ITPR2: variants seen among roughly 807,000 people sequenced by gnomAD.
The protein encoded by ITPR2 is inositol 1,4,5-trisphosphate-gated calcium channel ITPR2.
Under a neutral mutation model 317.1 loss-of-function variants are expected in ITPR2, and 207 were observed. The ratio of observed to expected loss-of-function variants is 0.65; its 90% CI spans 0.58 to 0.73. The LOEUF is 0.73. Among genes scored for constraint, ITPR2 ranks in the 30% least tolerant of loss-of-function variants. The probability of loss-of-function intolerance (pLI) is 0.00; values close to 1 mark genes in which losing one functional copy is unlikely to be tolerated. For synonymous variants in ITPR2, 1,156 were observed against 1,149.1 expected (o/e 1.01, Z -0.12); for missense variants, 2,613 against 3,284.0 (o/e 0.80, Z 4.99).
At chr12:26,691,418 A>C (rs1948238413) in intron 10 of ITPR2, among the ~76,000 whole-genome samples, 3 of 152,160 alleles carry the variant, frequency 2.0e-5, no homozygotes, top group Admixed American at 1.3e-4. Flanking sequence ...GGTACGACAG[A>C]ACTTAAACAG....
At chr12:26,502,659 T>TG (rs1304640982) in intron 37 of ITPR2, among the ~76,000 whole-genome samples, 2 of 151,896 alleles carry the variant, frequency 1.3e-5, no homozygotes, top group African/African-American at 4.8e-5. Flanking sequence ...TGTTGCTGAG[T>TG]GGGGGGTAAG....
intron 2 of ITPR2, among the ~76,000 whole-genome samples, chr12:26,728,752 C>T (rs1948977517): frequency 6.6e-6 from 1 of 152,102 alleles, no homozygotes; most frequent in Non-Finnish European, 1.5e-5. Flanking sequence ...CTGAGATGAG[C>T]AAAAAGAAAA....
chr12:26,356,883 C>T (rs1440238078), intron 55 of ITPR2, among the ~76,000 whole-genome samples: 1 of 152,116 alleles, frequency 6.6e-6, no homozygotes, highest in Non-Finnish European at 1.5e-5. Flanking sequence ...AAACATTTCA[C>T]TGATTATTTG....
chr12:26,653,091 C>T (rs1247490465), intron 21 of ITPR2, among the ~76,000 whole-genome samples: 1 of 152,050 alleles, frequency 6.6e-6, no homozygotes, highest in Non-Finnish European at 1.5e-5. Flanking sequence ...AAGACAAGTA[C>T]CTTATAAATG....
intron 49 of ITPR2, among the ~76,000 whole-genome samples, chr12:26,422,131 CTAAT>C (rs1416533394): frequency 3.3e-5 from 5 of 149,674 alleles, no homozygotes; most frequent in African/African-American, 7.3e-5. Flanking sequence ...AAATTATTTA[CTAAT>C]TATTTACTAA....
chr12:26,529,352 C>T (rs1171998760), intron 37 of ITPR2, among the ~76,000 whole-genome samples: 1 of 152,208 alleles, frequency 6.6e-6, no homozygotes, highest in Non-Finnish European at 1.5e-5. Flanking sequence ...TTTCTAGCCA[C>T]ACTGGCTTCC....
chr12:26,353,784 G>A (rs1269168083), intron 55 of ITPR2, among the ~76,000 whole-genome samples: 1 of 151,972 alleles, frequency 6.6e-6, no homozygotes, highest in Admixed American at 6.6e-5. Flanking sequence ...TTTCACTGTA[G>A]ATGACTTATT....
At chr12:26,628,583 AC>A (rs1290857282) in intron 22 of ITPR2, among the ~76,000 whole-genome samples, 2 of 152,224 alleles carry the variant, frequency 1.3e-5, no homozygotes, top group East Asian at 3.8e-4. Flanking sequence ...CTGTGACTAT[AC>A]CATGATCAGT....
intron 37 of ITPR2, among the ~76,000 whole-genome samples, chr12:26,532,709 A>G (rs1031334722): frequency 5.3e-5 from 8 of 151,938 alleles, no homozygotes; most frequent in African/African-American, 1.9e-4. Context: ...TTTTTTGGAG[A>G]CGGAGTTTTC....
At chr12:26,722,579 C>T in intron 4 of ITPR2, 24 bp from the exon 5 acceptor site, 1 of 1,567,206 alleles carries the variant, frequency 6.4e-7, no homozygotes. Context: ...ACATAGATTA[C>T]CACCTTTATT....
chr12:26,809,138 A>T (rs1054818877), intron 1 of ITPR2, among the ~76,000 whole-genome samples: 9 of 152,162 alleles, frequency 5.9e-5, no homozygotes, highest in Non-Finnish European at 1.2e-4. Context: ...ACTGATACTG[A>T]TCAGATTCCT....
intron 41 of ITPR2, 69 bp from the exon 42 acceptor site, chr12:26,483,967 C>T: frequency 3.1e-6 from 4 of 1,299,280 alleles, no homozygotes; most frequent in Non-Finnish European, 4.4e-6. Flanking sequence ...GCTGTTCTTC[C>T]CATATGTGTG....
chr12:26,706,232 A>G (rs1324070167), intron 9 of ITPR2, among the ~76,000 whole-genome samples: 1 of 152,144 alleles, frequency 6.6e-6, no homozygotes, highest in Non-Finnish European at 1.5e-5. Context: ...TATTAATTTT[A>G]ATTTAATAGC....
intron 2 of ITPR2, among the ~76,000 whole-genome samples, chr12:26,731,002 C>T (rs1949018862): frequency 6.6e-6 from 1 of 152,112 alleles, no homozygotes; most frequent in Non-Finnish European, 1.5e-5. Flanking sequence ...GTACTTTCTA[C>T]AATATTTGTA....
intron 55 of ITPR2, among the ~76,000 whole-genome samples, chr12:26,366,612 G>A (rs950038880): frequency 3.9e-5 from 6 of 152,040 alleles, no homozygotes; most frequent in South Asian, 4.1e-4. Flanking sequence ...TCCTCTTCCC[G>A]TTGTAAACCC....
chr12:26,597,202 T>C, intron 30 of ITPR2, 68 bp from the exon 31 acceptor site: 2 of 1,531,068 alleles, frequency 1.3e-6, no homozygotes. Context: ...TTCCAAAGGC[T>C]TGATATATCT....
Position 26,657,847 on chromosome 12 carries a change from A to G in ITPR2, c.2052T>C (p.Leu684=). 1 of 1,614,150 alleles carries G rather than the reference A, an allele frequency of 6.2e-7. No homozygotes were observed. Residue 684 remains leucine (L), a synonymous_variant, in exon 18 of 57, where the codon CTT becomes CTC. Transcript: ENST00000381340. Reference sequence around the variant, plus strand: ...CTTCTTCATCATCAATGTCATCTGAAAGGATGGAGCTCTCCATGGGGTTGT... The same window carrying G: ...CTTCTTCATCATCAATGTCATCTGAGAGGATGGAGCTCTCCATGGGGTTGT... ...QADNPMESSI[L]SDDIDDEEVW...
At chr12:26,678,327 T>C (rs940276003) in intron 13 of ITPR2, among the ~76,000 whole-genome samples, 2 of 152,072 alleles carry the variant, frequency 1.3e-5, no homozygotes, top group Non-Finnish European at 2.9e-5. Context: ...TTGAAAAATA[T>C]CTAATGTTGA....
At chr12:26,619,090 T>C (rs1365281751) in intron 26 of ITPR2, among the ~76,000 whole-genome samples, 1 of 152,250 alleles carries the variant, frequency 6.6e-6, no homozygotes. Context: ...CAGGTGGTAC[T>C]GAATTTCCAG....
Sources: gnomAD v4.1 joint callset for allele counts (sites outside exome capture counted in the v4.1 genomes callset) on GRCh38, gnomAD v4.1.1 for gene constraint, MANE v1.5 for transcripts, NCBI Gene and HGNC (gene_info 2026-07-23, HGNC 2026-07-21) for gene names.